The following AK9 variants were observed in gnomAD, a reference collection of about 807,000 sequenced individuals.
AK9 encodes adenylate kinase 9.
AK9 carries 191 observed loss-of-function variants against 239.6 expected under a neutral mutation model. The observed-to-expected ratio is 0.80, with a 90% CI of 0.71 to 0.90. AK9 has a LOEUF of 0.90. Among genes scored for constraint, AK9 ranks in the 40% least tolerant of loss-of-function variants. The probability of loss-of-function intolerance (pLI) is 0.00; values close to 1 mark genes in which losing one functional copy is unlikely to be tolerated. For missense variants in AK9, 1,995 were observed against 2,214.7 expected, an observed-to-expected ratio of 0.90 and a Z score of 1.99; for synonymous variants, 689 against 721.0, an observed-to-expected ratio of 0.96 and a Z score of 0.71.
At chr6:109,630,954 G>A in intron 12 of AK9, among the ~76,000 whole-genome samples, 1 of 152,116 alleles carries the variant, frequency 6.6e-6, no homozygotes, top group South Asian at 2.1e-4. Context: ...AAAGGATGAT[G>A]TTTTCTTCAA....
At chr6:109,523,219 A>G (rs1005052029) in intron 29 of AK9, among the ~76,000 whole-genome samples, 1 of 145,794 alleles carries the variant, frequency 6.9e-6, no homozygotes, top group South Asian at 2.3e-4. Context: ...AAAATATCCT[A>G]AAAATCTTCA....
intron 12 of AK9, chr6:109,631,964 A>G (rs186048354): frequency 1.7e-3 from 280 of 169,356 alleles, no homozygotes; most frequent in African/African-American, 6.5e-3. Flanking sequence ...CGGCAAAACC[A>G]TAGGAGAAGT....
intron 13 of AK9, 106 bp downstream of exon 13, chr6:109,618,986 A>C: frequency 8.0e-7 from 1 of 1,257,536 alleles, no homozygotes; most frequent in Non-Finnish European, 1.1e-6. Flanking sequence ...TATAATGTGT[A>C]AAGTGCCAAG....
intron 17 of AK9, among the ~76,000 whole-genome samples, chr6:109,596,276 C>T (rs1458524456): frequency 6.6e-6 from 1 of 152,202 alleles, no homozygotes; most frequent in East Asian, 1.9e-4. Flanking sequence ...ACTGGGCTGA[C>T]CCACCTACAT....
At chr6:109,529,724 A>G (rs1582858992) in intron 28 of AK9, among the ~76,000 whole-genome samples, 1 of 152,172 alleles carries the variant, frequency 6.6e-6, no homozygotes, top group East Asian at 1.9e-4. Context: ...TTAGATTCTC[A>G]TGAGTGTGCA....
At chr6:109,672,540 G>A (rs1252546529) in intron 3 of AK9, among the ~76,000 whole-genome samples, 1 of 152,052 alleles carries the variant, frequency 6.6e-6, no homozygotes, top group Non-Finnish European at 1.5e-5. Context: ...AAAATTAGCA[G>A]GGCATAGTTA....
At chr6:109,510,341 T>C (rs1358594139) in intron 32 of AK9, among the ~76,000 whole-genome samples, 1 of 151,988 alleles carries the variant, frequency 6.6e-6, no homozygotes, top group South Asian at 2.1e-4. Flanking sequence ...CTGTTGACAG[T>C]GGAGTACCCT....
At chr6:109,632,207 C>T (rs1476004251) in intron 12 of AK9, 1 of 985,288 alleles carries the variant, frequency 1.0e-6, no homozygotes, top group East Asian at 1.1e-4. Context: ...AAATGATACT[C>T]CGGCGCTTAA....
chr6:109,565,375 T>C (rs1234939654), intron 21 of AK9, among the ~76,000 whole-genome samples: 1 of 152,064 alleles, frequency 6.6e-6, no homozygotes, highest in Admixed American at 6.6e-5. Flanking sequence ...CATGGGAGGC[T>C]GAGGTGGGAA....
intron 20 of AK9, among the ~76,000 whole-genome samples, chr6:109,575,894 C>A (rs945330837): frequency 1.3e-5 from 2 of 152,264 alleles, no homozygotes; most frequent in East Asian, 3.9e-4. Flanking sequence ...TGCCAATTAT[C>A]CCAGCACCAT....
At chr6:109,652,010 T>C (rs559512582) in intron 8 of AK9, among the ~76,000 whole-genome samples, 1 of 152,290 alleles carries the variant, frequency 6.6e-6, no homozygotes, top group South Asian at 2.1e-4. Flanking sequence ...TCTGAAATTA[T>C]TCCAATCAAT....
rs1782981220 is a variant in AK9 at position 109,542,162 on chromosome 6, C to T, written c.3235G>A (p.Val1079Ile). 2.5e-6 allele frequency: 4 copies of T among 1,586,736 alleles called. No individual in the cohort carries two copies. The highest frequency in any genetic ancestry group is 1.9e-5 in the Admixed American group (1 of 52,240). The change falls in exon 27 of 41, where the codon GTA (valine) becomes ATA (isoleucine). Residue 1079 changes from valine (V) to isoleucine (I), a missense_variant. Val to Ile is a conservative substitution (Grantham distance 29). This residue lies in a region of AK9 where 1,290 missense variants were observed against 1,392.7 expected (regional missense o/e 0.93). Coordinates refer to ENST00000424296, the MANE Select transcript of AK9 (RefSeq NM_001145128.3). ...ACTTCTTCTTCTTCTGTAAGTTGTA[C>T]TTCTGGAAGCTAAAAACAAAAATCA... ...EENTKKQLPE[V>I]QLTEEEEVIK...
intron 1 of AK9, among the ~76,000 whole-genome samples, chr6:109,687,452 A>G (rs1020291610): frequency 6.6e-6 from 1 of 152,194 alleles, no homozygotes; most frequent in African/African-American, 2.4e-5. Flanking sequence ...GCTACATGGT[A>G]TAAGACTCCA....
intron 8 of AK9, among the ~76,000 whole-genome samples, chr6:109,647,779 A>T (rs1798287705): frequency 7.4e-6 from 1 of 134,920 alleles, no homozygotes; most frequent in African/African-American, 2.5e-5. Context: ...AAATCAACAG[A>T]ATATACATTC....
intron 24 of AK9, among the ~76,000 whole-genome samples, chr6:109,552,922 C>A (rs765736364): frequency 6.6e-6 from 1 of 152,064 alleles, no homozygotes; most frequent in Non-Finnish European, 1.5e-5. Flanking sequence ...TTTCTGCATA[C>A]GGCTAGCCAG....
intron 8 of AK9, among the ~76,000 whole-genome samples, chr6:109,652,275 A>C (rs1242556284): frequency 6.6e-6 from 1 of 152,262 alleles, no homozygotes; most frequent in Non-Finnish European, 1.5e-5. Flanking sequence ...AATGTAATCC[A>C]TCATATAAAC....
At chr6:109,551,196 C>T (rs897714132) in intron 24 of AK9, among the ~76,000 whole-genome samples, 12 of 152,130 alleles carry the variant, frequency 7.9e-5, no homozygotes, top group Non-Finnish European at 1.8e-4. Context: ...TTTCCTTTTA[C>T]TATTCTTACT....
intron 8 of AK9, among the ~76,000 whole-genome samples, chr6:109,653,182 C>T (rs1310363374): frequency 6.6e-6 from 1 of 152,292 alleles, no homozygotes; most frequent in East Asian, 1.9e-4. Flanking sequence ...CCGTCTCCGC[C>T]TCCCAAAGTA....
chr6:109,532,150 G>A (rs1781358534), intron 28 of AK9, among the ~76,000 whole-genome samples: 1 of 152,164 alleles, frequency 6.6e-6, no homozygotes, highest in Non-Finnish European at 1.5e-5. Context: ...ATTAATAGAT[G>A]AGCTCTCTGA....
Sources: allele counts gnomAD v4.1 joint callset (sites outside exome capture counted in the v4.1 genomes callset), GRCh38; gene constraint gnomAD v4.1.1; regional missense constraint gnomAD v4.1.1; transcripts MANE v1.5; gene names NCBI Gene and HGNC (gene_info 2026-07-23, HGNC 2026-07-21).